Variants in DYNC2LI1 observed in about 807,000 individuals in gnomAD.
DYNC2LI1 encodes the protein cytoplasmic dynein 2 light intermediate chain 1.
A neutral mutation model predicts 51.9 loss-of-function variants in DYNC2LI1; 45 were observed. That is an observed-to-expected ratio of 0.87 (90% confidence interval 0.68 to 1.11). The LOEUF is 1.11. Ranked by LOEUF, DYNC2LI1 falls within the 50% of genes most tolerant of loss-of-function variation. The pLI, the probability that DYNC2LI1 is intolerant of heterozygous loss-of-function variation, is 0.00. For missense variants in DYNC2LI1, 490 were observed against 417.4 expected (o/e 1.17, Z -1.51); for synonymous variants, 130 against 137.8 (o/e 0.94, Z 0.40).
intron 9 of DYNC2LI1, 65 bp from the exon 10 acceptor site, chr2:43,801,574 A>T: frequency 8.4e-7 from 1 of 1,196,768 alleles, no homozygotes; most frequent in Non-Finnish European, 1.2e-6. Flanking sequence ...TGTCATATTT[A>T]CAGGAGAGCG....
At chr2:43,784,037 A>C (rs1673407682) in intron 3 of DYNC2LI1, among the ~76,000 whole-genome samples, 1 of 152,196 alleles carries the variant, frequency 6.6e-6, no homozygotes, top group Non-Finnish European at 1.5e-5. Flanking sequence ...TGATTGGTAG[A>C]TGTTTCAGGA....
intron 7 of DYNC2LI1, among the ~76,000 whole-genome samples, 187 bp downstream of exon 7, chr2:43,796,145 G>A (rs1446525606): frequency 6.6e-6 from 1 of 152,132 alleles, no homozygotes; most frequent in South Asian, 2.1e-4. Flanking sequence ...AATAAATGCA[G>A]TGATTAGAAT....
chr2:43,809,850 T>A lies in DYNC2LI1; in HGVS notation c.*83T>A. On this transcript the variant is annotated 3_prime_UTR_variant, in exon 13 of 13. Coordinates refer to ENST00000260605, the MANE Select transcript of DYNC2LI1 (RefSeq NM_016008.4). Reference sequence around the variant, plus strand: ...CTGTGAATTAACTATTGTGGCAATATGTGAAGAAAGTTAAACTGTATAATT... The same window carrying A: ...CTGTGAATTAACTATTGTGGCAATAAGTGAAGAAAGTTAAACTGTATAATT... 1 of 1,513,432 alleles carries A rather than the reference T, an allele frequency of 6.6e-7. No homozygotes were observed. Among genetic ancestry groups the A allele is most frequent in the Non-Finnish European group, 8.8e-7 (1 of 1,132,866 alleles). 93.8% of individuals were successfully genotyped at this position (1,513,432 alleles called of 1,614,324 possible). A position where few individuals can be genotyped will look rare whatever the true frequency, so the allele number is the denominator to read the frequency against.
At position 43,809,727 on chromosome 2, in the gene DYNC2LI1, G is replaced by A. The variant is rs778407624; in HGVS notation, c.1016G>A (p.Ser339Asn). ...TAGGAACTGGAACAGTACAAAAGAA[G>A]TTCTTCCAAGTCTTGGAAACAAATC... Reference protein sequence around the residue: ...KDLELEQYKRSSSKSWKQIEL... With the variant: ...KDLELEQYKRNSSKSWKQIEL... The change falls in exon 13 of 13, where the codon AGT becomes AAT. Residue 339 changes from serine to asparagine, a missense_variant. Transcript: ENST00000260605. 6.8e-6 allele frequency: 11 copies of A among 1,611,820 alleles called. No homozygotes were observed. The highest frequency in any genetic ancestry group is 1.1e-5 in the South Asian group (1 of 90,656).
chr2:43,791,740 T>A (rs1230472809), intron 5 of DYNC2LI1, among the ~76,000 whole-genome samples: 1 of 152,252 alleles, frequency 6.6e-6, no homozygotes, highest in Non-Finnish European at 1.5e-5. Context: ...TGCCAAATAC[T>A]GTTAGATACT....
chr2:43,822,358 CT>C, the DYNC2LI1 span: 1 of 214,542 alleles, frequency 4.7e-6, no homozygotes, highest in Non-Finnish European at 8.0e-6. Flanking sequence ...CCCAATCCTG[CT>C]TCTCTTTCTA....
chr2:43,786,804 C>T (rs1482316608), intron 3 of DYNC2LI1, among the ~76,000 whole-genome samples: 1 of 151,936 alleles, frequency 6.6e-6, no homozygotes, highest in South Asian at 2.1e-4. Flanking sequence ...CCAGCCTGGG[C>T]GACAAAGCAA....
the DYNC2LI1 span, chr2:43,828,269 T>C: frequency 1.4e-5 from 14 of 979,784 alleles, no homozygotes; most frequent in Non-Finnish European, 2.2e-5. Flanking sequence ...ATGTCTTTGA[T>C]AATAATATGA....
At chr2:43,787,553 A>G (rs1449064101) in intron 4 of DYNC2LI1, among the ~76,000 whole-genome samples, 1 of 152,236 alleles carries the variant, frequency 6.6e-6, no homozygotes, top group Non-Finnish European at 1.5e-5. Context: ...AAAATCTGCT[A>G]AAATATAGGT....
downstream of DYNC2LI1, among the ~76,000 whole-genome samples, chr2:43,813,709 GTTTTTTTTTTTT>G (rs1214033245): frequency 2.9e-5 from 1 of 34,068 alleles, no homozygotes; most frequent in African/African-American, 1.3e-4. Flanking sequence ...TTTTTTTTTC[GTTTTTTTTTTTT>G]TTTTTTTTTT....
At chr2:43,787,070 C>A (rs180820261) in intron 3 of DYNC2LI1, 111 bp from the exon 4 acceptor site, 1 of 764,062 alleles carries the variant, frequency 1.3e-6, no homozygotes, top group East Asian at 2.6e-5. Flanking sequence ...TACAAGGTAA[C>A]TTCTCTACTA....
At chr2:43,783,197 A>G (rs1490677807) in intron 2 of DYNC2LI1, among the ~76,000 whole-genome samples, 3 of 152,196 alleles carry the variant, frequency 2.0e-5, no homozygotes, top group Admixed American at 6.5e-5. Context: ...TTAACCAGTA[A>G]TTAACATTGA....
intron 1 of DYNC2LI1, chr2:43,775,775 C>T (rs1315067442): frequency 2.7e-6 from 1 of 368,092 alleles, no homozygotes; most frequent in Admixed American, 3.2e-5. Context: ...ACAACATCCA[C>T]CTCCTGAGTT....
the DYNC2LI1 span, among the ~76,000 whole-genome samples, chr2:43,817,771 G>A: frequency 6.6e-6 from 1 of 151,940 alleles, no homozygotes; most frequent in African/African-American, 2.4e-5. Context: ...TTAGCCAGGT[G>A]TAATGGCAGG....
the DYNC2LI1 span, chr2:43,826,555 G>T: frequency 6.2e-7 from 1 of 1,614,054 alleles, no homozygotes; most frequent in Non-Finnish European, 8.5e-7. Context: ...TTCTAAGGTA[G>T]TGCAGAGCCC....
At chr2:43,796,083 C>A in intron 7 of DYNC2LI1, 125 bp downstream of exon 7, 2 of 708,688 alleles carry the variant, frequency 2.8e-6, no homozygotes, top group Non-Finnish European at 2.3e-6. Context: ...AGTCATGCAT[C>A]TTAAAGATTT....
downstream of DYNC2LI1, among the ~76,000 whole-genome samples, chr2:43,811,751 T>G (rs1666489576): frequency 6.6e-6 from 1 of 151,992 alleles, no homozygotes; most frequent in South Asian, 2.1e-4. Context: ...CCTGCCACCA[T>G]GCCCAGCTAA....
chr2:43,798,371 G>C (rs554153868), intron 8 of DYNC2LI1, among the ~76,000 whole-genome samples: 2 of 152,258 alleles, frequency 1.3e-5, no homozygotes, highest in South Asian at 4.1e-4. Flanking sequence ...TACGTATTAG[G>C]TTGACACAGT....
the DYNC2LI1 span, among the ~76,000 whole-genome samples, chr2:43,817,568 G>A: frequency 6.6e-6 from 1 of 151,874 alleles, no homozygotes; most frequent in Non-Finnish European, 1.5e-5. Context: ...CTTATGATGG[G>A]GTTACTTCCA....
Sources: gnomAD v4.1 joint callset for allele counts (sites outside exome capture counted in the v4.1 genomes callset) on GRCh38, gnomAD v4.1.1 for gene constraint, MANE v1.5 for transcripts, NCBI Gene and HGNC (gene_info 2026-07-23, HGNC 2026-07-21) for gene names.